Variants in ZNF490 observed in about 807,000 individuals in gnomAD.
The protein encoded by ZNF490 is zinc finger protein 490.
Under a neutral mutation model 17.7 loss-of-function variants are expected in ZNF490, and 11 were observed. That is an observed-to-expected ratio of 0.62 (90% confidence interval 0.39 to 1.03). The LOEUF (loss-of-function observed/expected upper bound fraction) is 1.03. Ranked by LOEUF, ZNF490 falls within the 50% of genes least tolerant of loss-of-function variation. The probability of loss-of-function intolerance (pLI) is 0.00; values close to 1 mark genes in which losing one functional copy is unlikely to be tolerated. For missense variants in ZNF490, 542 were observed against 643.4 expected, an observed-to-expected ratio of 0.84 and a Z score of 1.71; for synonymous variants, 222 against 216.1, an observed-to-expected ratio of 1.03 and a Z score of -0.24.
intron 2 of ZNF490, among the ~76,000 whole-genome samples, chr19:12,603,664 C>G (rs2023032717): frequency 6.6e-6 from 1 of 151,776 alleles, no homozygotes; most frequent in Non-Finnish European, 1.5e-5. Context: ...TGGTGGCGTG[C>G]ACCTGTAGTC....
chr19:12,602,093 C>T (rs1050691379), intron 2 of ZNF490, among the ~76,000 whole-genome samples: 74 of 147,910 alleles, frequency 5.0e-4, no homozygotes, highest in Middle Eastern at 3.6e-3. Flanking sequence ...CACACACACA[C>T]ACACACACAC....
At chr19:12,597,052 C>T in intron 2 of ZNF490, 1 of 453,354 alleles carries the variant, frequency 2.2e-6, no homozygotes, top group Admixed American at 2.4e-5. Context: ...CTGGGAGACC[C>T]TCGGGTCAGC....
chr19:12,577,575 C>A lies in ZNF490; in HGVS notation c.*2910G>T. On this transcript the variant is annotated 3_prime_UTR_variant, in exon 5 of 5. Transcript: ENST00000311437. ...CGAAGGTGTGCATCTCCTGGCTCAG[C>A]CACCAGGTCCTCCACTGCATCTCCA... 1 of 985,382 alleles carries A rather than the reference C, an allele frequency of 1.0e-6. No individual in the cohort carries two copies. Among genetic ancestry groups the A allele is most frequent in the Non-Finnish European group, 1.2e-6 (1 of 829,934 alleles). The allele number at this position is 985,382 out of a possible 1,614,324, so 61.0% of individuals were successfully genotyped here.
chr19:12,595,843 A>C (rs1018025950), intron 2 of ZNF490, among the ~76,000 whole-genome samples: 1 of 152,106 alleles, frequency 6.6e-6, no homozygotes, highest in Non-Finnish European at 1.5e-5. Context: ...CCAGTTACGC[A>C]GGAGGCTGAG....
At position 12,596,693 on chromosome 19, in the gene ZNF490, G is replaced by C. The variant is rs1026370157; in HGVS notation, c.162+12465C>G. The stretch of plus-strand genomic sequence containing the variant: ...CAAACAAATTCCCAAACTTGAGAGC[G>C]GTAGCCCAGACAGTGGGTCAGTGCC... On this transcript the variant is annotated intron_variant, in intron 2 of 4. Transcript: ENST00000311437. Among the ~76,000 whole-genome samples, 9 of 152,054 alleles carry C rather than the reference G, an allele frequency of 5.9e-5. No homozygotes were observed. In the South Asian group the frequency reaches 8.3e-4, roughly 14 times the overall value.
In ZNF490 at chr19:12,578,701, TA is replaced by T; in HGVS notation, c.*1783del. On this transcript the variant is annotated 3_prime_UTR_variant, in exon 5 of 5. Transcript: ENST00000311437. ...TGACCCGAGGACACTGATGGAAACT[TA>T]AAAGGCAGATTCTGGGAGTCTTCTC... 5 of 985,440 alleles carry T rather than the reference TA, an allele frequency of 5.1e-6. No individual in the cohort carries two copies. Among genetic ancestry groups the T allele is most frequent in the Non-Finnish European group, 4.8e-6 (4 of 829,952 alleles). 61.0% of individuals were successfully genotyped at this position (985,440 alleles called of 1,614,324 possible).
chr19:12,588,720 T>C (rs1438852517), intron 2 of ZNF490, among the ~76,000 whole-genome samples: 1 of 152,140 alleles, frequency 6.6e-6, no homozygotes, highest in Non-Finnish European at 1.5e-5. Flanking sequence ...CACATTCTGG[T>C]AAATAAAATA....
intron 2 of ZNF490, chr19:12,597,343 G>C (rs964072395): frequency 2.9e-5 from 10 of 343,312 alleles, no homozygotes; most frequent in African/African-American, 1.9e-4. Flanking sequence ...CACCGATGCT[G>C]ACTGGACAGT....
rs1281445115 is a variant in ZNF490 at position 12,577,250 on chromosome 19, T to C, written c.*3235A>G. On this transcript the variant is annotated 3_prime_UTR_variant, in exon 5 of 5. Transcript: ENST00000311437. ...AAAGGGTTTTACAAAAACATCATCA[T>C]AGACCCACATATACTTGTCCTTCAA... 1.3e-5 allele frequency among the ~76,000 whole-genome samples: 2 copies of C among 152,172 alleles called. No individual in the cohort carries two copies. The highest frequency in any genetic ancestry group is 4.8e-5 in the African/African-American group (2 of 41,440).
chr19:12,601,104 A>C (rs1166933104), intron 2 of ZNF490, among the ~76,000 whole-genome samples: 8 of 151,960 alleles, frequency 5.3e-5, no homozygotes, highest in Non-Finnish European at 1.0e-4. Flanking sequence ...AAGAAAAAAA[A>C]AAGGCCAGGT....
At chr19:12,582,538 G>A (rs1350853324) in intron 4 of ZNF490, among the ~76,000 whole-genome samples, 3 of 151,892 alleles carry the variant, frequency 2.0e-5, no homozygotes, top group Non-Finnish European at 4.4e-5. Context: ...GGGACTATAG[G>A]TGCACGCCAC....
At chr19:12,607,736 CAAAAA>C (rs34773066) in intron 2 of ZNF490, among the ~76,000 whole-genome samples, 1 of 137,052 alleles carries the variant, frequency 7.3e-6, no homozygotes. Flanking sequence ...ATCCCTGTCT[CAAAAA>C]AAAAAAAAAG....
chr19:12,580,669 G>A lies in ZNF490; in HGVS notation c.1406C>T (p.Thr469Ile), dbSNP rs1211281472. ...CTTACACTCACATGGTTTCACTCCA[G>A]TGTGACTTCTTTCGTGCCTTCGAAG... Reference protein sequence around the residue: ...SHLRRHERSHTGVKPCECKQC... With the variant: ...SHLRRHERSHIGVKPCECKQC... The change falls in exon 5 of 5, where the codon ACT (threonine) becomes ATT (isoleucine). Residue 469 changes from threonine (T) to isoleucine (I), a missense_variant. Physicochemically the swap from Thr to Ile is moderately conservative, Grantham distance 89. Coordinates refer to ENST00000311437, the MANE Select transcript of ZNF490 (RefSeq NM_020714.3). 6.2e-7 allele frequency: 1 copy of A among 1,614,216 alleles called. No individual in the cohort carries two copies. Among genetic ancestry groups the A allele is most frequent in the Non-Finnish European group, 8.5e-7 (1 of 1,180,038 alleles).
At chr19:12,597,164 G>A (rs1864081) in intron 2 of ZNF490, 254,097 of 459,948 alleles carry the variant, frequency 0.55, 75,823 homozygotes, top group Non-Finnish European at 0.67. Flanking sequence ...CTCGGCTTAC[G>A]GAGGCTCCAG....
In ZNF490 at chr19:12,590,921, TA is replaced by T. The variant is rs3058496; in HGVS notation, c.163-7366del. Among the ~76,000 whole-genome samples the T allele has an allele frequency of 2.8e-4, 42 of 147,466 alleles. No individual in the cohort carries two copies. In the South Asian group the frequency reaches 3.7e-3, roughly 13 times the overall value. On this transcript the variant is annotated intron_variant, in intron 2 of 4. Transcript: ENST00000311437. ...TAACAACACTCCATCTCTATTTCTT[TA>T]AAAAAAAAAAAATTTTTTTTAAATA... is the stretch of plus-strand genomic sequence containing the variant.
intron 1 of ZNF490, among the ~76,000 whole-genome samples, chr19:12,609,689 A>G (rs1479941968): frequency 6.6e-6 from 1 of 152,230 alleles, no homozygotes; most frequent in Non-Finnish European, 1.5e-5. Flanking sequence ...AGCAACACGG[A>G]TGGAACTGGA....
chr19:12,589,570 T>C (rs74363666), intron 2 of ZNF490, among the ~76,000 whole-genome samples: 2 of 24,784 alleles, frequency 8.1e-5, no homozygotes, highest in South Asian at 6.2e-4. Context: ...TTCTTCTTCT[T>C]TTTTTTTTTT....
rs551758894 is a variant in ZNF490, at chr19:12,601,413, T to C, written c.162+7745A>G. On this transcript the variant is annotated intron_variant, in intron 2 of 4. Coordinates refer to ENST00000311437, the MANE Select transcript of ZNF490 (RefSeq NM_020714.3). ...AAAAAAAAAAAACAAAAACAAAGAA[T>C]TGGGGTCTCACTCTGTCACCCAGGC... is the stretch of plus-strand genomic sequence containing the variant. 8.7e-5 allele frequency among the ~76,000 whole-genome samples: 13 copies of C among 149,382 alleles called. 1 individual carries two copies. Among genetic ancestry groups the C allele is most frequent in the South Asian group, 2.1e-4 (1 of 4,698 alleles).
chr19:12,584,101 C>T (rs140338600), intron 2 of ZNF490, among the ~76,000 whole-genome samples: 1,724 of 33,562 alleles, frequency 0.051, 380 homozygotes, highest in African/African-American at 0.11. Context: ...TGAGCCACCG[C>T]ACCCTGCCAT....
Sources: gnomAD v4.1 joint callset for allele counts (sites outside exome capture counted in the v4.1 genomes callset) on GRCh38, gnomAD v4.1.1 for gene constraint, MANE v1.5 for transcripts, NCBI Gene and HGNC (gene_info 2026-07-23, HGNC 2026-07-21) for gene names.